The following ARHGAP25 variants were observed in gnomAD, a reference collection of about 807,000 sequenced individuals.
ARHGAP25 encodes Rho GTPase activating protein 25, also known as rho GTPase-activating protein 25.
In ARHGAP25, 34 loss-of-function variants were observed where a neutral mutation model predicts 71.0. The ratio of observed to expected loss-of-function variants is 0.48; its 90% CI spans 0.36 to 0.64. The LOEUF (loss-of-function observed/expected upper bound fraction) is 0.64, where lower values mean the gene tolerates loss of function less well. Ranked by LOEUF, ARHGAP25 falls within the 30% of genes least tolerant of loss-of-function variation. The pLI is 0.00. For synonymous variants in ARHGAP25, 282 were observed against 296.5 expected, an observed-to-expected ratio of 0.95 and a Z score of 0.50; for missense variants, 706 against 805.1, an observed-to-expected ratio of 0.88 and a Z score of 1.49.
chr2:68,825,909 G>A (rs1682092083), intron 10 of ARHGAP25, 78 bp from the exon 11 acceptor site: 2 of 1,242,172 alleles, frequency 1.6e-6, no homozygotes, highest in Non-Finnish European at 2.3e-6. Flanking sequence ...AAAATGAGCA[G>A]CAGGTTGTGA....
chr2:68,824,539 G>A (rs561048024), intron 10 of ARHGAP25, among the ~76,000 whole-genome samples: 5 of 152,276 alleles, frequency 3.3e-5, no homozygotes, highest in East Asian at 1.9e-4. Flanking sequence ...TCAGGAGATC[G>A]AGACCATCCT....
intron 2 of ARHGAP25, among the ~76,000 whole-genome samples, chr2:68,715,633 G>A (rs1474096006): frequency 6.6e-6 from 1 of 152,232 alleles, no homozygotes; most frequent in Non-Finnish European, 1.5e-5. Flanking sequence ...TGGACACACT[G>A]AGTGGAGGAG....
intron 9 of ARHGAP25, among the ~76,000 whole-genome samples, chr2:68,821,152 G>A (rs752288605): frequency 2.1e-5 from 3 of 145,130 alleles, no homozygotes; most frequent in East Asian, 2.0e-4. Flanking sequence ...GCTGGAGTGC[G>A]GTGGTGCGAT....
chr2:68,721,009 A>G (rs943693077), intron 2 of ARHGAP25, among the ~76,000 whole-genome samples: 3 of 152,178 alleles, frequency 2.0e-5, no homozygotes, highest in Non-Finnish European at 4.4e-5. Context: ...ACTGTGGCAT[A>G]ATATCCTCAT....
At chr2:68,754,670 G>A (rs4485593) in intron 1 of ARHGAP25, among the ~76,000 whole-genome samples, 127,369 of 152,218 alleles carry the variant, frequency 0.84, 54,098 homozygotes, top group Non-Finnish European at 0.91. Flanking sequence ...TTGTTTCCCA[G>A]AGGGGCTGTA....
At chr2:68,721,917 C>G (rs1422221458) in intron 2 of ARHGAP25, among the ~76,000 whole-genome samples, 1 of 152,218 alleles carries the variant, frequency 6.6e-6, no homozygotes, top group African/African-American at 2.4e-5. Flanking sequence ...TTCCTCTCAC[C>G]CAGTGTGTCC....
In ARHGAP25 at chr2:68,768,972, T is replaced by TTGAA. The variant is rs564202850; in HGVS notation, c.62-6230_62-6227dup. Among the ~76,000 whole-genome samples, 347 of 152,250 alleles carry TTGAA rather than the reference T, an allele frequency of 2.3e-3. 1 individual carries two copies. The highest frequency in any genetic ancestry group is 3.8e-3 in the Non-Finnish European group (261 of 68,008). ...TCTGGTGCATGTCAAGTCCTCAATC[T>TTGAA]TGAATGAATGAATGAATGAATGGGG... On this transcript the variant is annotated intron_variant, in intron 1 of 10. Coordinates refer to ENST00000409202, the MANE Select transcript of ARHGAP25 (RefSeq NM_001007231.3).
chr2:68,774,293 G>A (rs959175410), intron 1 of ARHGAP25, among the ~76,000 whole-genome samples: 2 of 152,272 alleles, frequency 1.3e-5, no homozygotes, highest in African/African-American at 4.8e-5. Flanking sequence ...TCGATGGAGC[G>A]CTGTGGAGGG....
chr2:68,806,833 A>G (rs539620800), intron 4 of ARHGAP25, among the ~76,000 whole-genome samples: 1 of 152,312 alleles, frequency 6.6e-6, no homozygotes, highest in Admixed American at 6.5e-5. Context: ...GCCGTGGTTA[A>G]GGCATATTGT....
chr2:68,760,340 G>A (rs1422997358), intron 1 of ARHGAP25, among the ~76,000 whole-genome samples: 2 of 151,842 alleles, frequency 1.3e-5, no homozygotes, highest in Non-Finnish European at 2.9e-5. Flanking sequence ...CTAGACAGAG[G>A]AACTAGGTGA....
chr2:68,805,857 A>C (rs1680323142), intron 4 of ARHGAP25, among the ~76,000 whole-genome samples: 1 of 152,202 alleles, frequency 6.6e-6, no homozygotes, highest in Non-Finnish European at 1.5e-5. Flanking sequence ...TGCTGGGTGC[A>C]GCAGAGCCCT....
chr2:68,779,064 A>G (rs555478964), intron 2 of ARHGAP25, among the ~76,000 whole-genome samples: 1 of 152,358 alleles, frequency 6.6e-6, no homozygotes, highest in African/African-American at 2.4e-5. Flanking sequence ...ATGGTCTCAG[A>G]CAATCCTAGT....
At chr2:68,733,327 G>A (rs1675075980), upstream of ARHGAP25, among the ~76,000 whole-genome samples, 1 of 152,208 alleles carries the variant, frequency 6.6e-6, no homozygotes, top group African/African-American at 2.4e-5. Flanking sequence ...TCCTTGATGA[G>A]AATATATTTT....
chr2:68,741,563 A>T (rs1005093364), intron 1 of ARHGAP25, among the ~76,000 whole-genome samples: 2 of 152,162 alleles, frequency 1.3e-5, no homozygotes, highest in African/African-American at 4.8e-5. Flanking sequence ...TCCATACTTT[A>T]AAAAATGTTA....
intron 4 of ARHGAP25, among the ~76,000 whole-genome samples, chr2:68,804,162 A>T (rs184388501): frequency 6.6e-6 from 1 of 152,340 alleles, no homozygotes; most frequent in Admixed American, 6.5e-5. Flanking sequence ...GACATATATT[A>T]AGGTGCAAGA....
At chr2:68,810,938 TG>T (rs1680763738) in intron 5 of ARHGAP25, among the ~76,000 whole-genome samples, 2 of 152,020 alleles carry the variant, frequency 1.3e-5, no homozygotes, top group Admixed American at 6.6e-5. Flanking sequence ...GATGGGGTTT[TG>T]TCCTGTTGGC....
intron 1 of ARHGAP25, among the ~76,000 whole-genome samples, chr2:68,759,480 A>C (rs56360964): frequency 0.24 from 37,104 of 151,800 alleles, 5,248 homozygotes; most frequent in African/African-American, 0.39. Flanking sequence ...GATAACCTAG[A>C]TTCAATGGAA....
intron 3 of ARHGAP25, among the ~76,000 whole-genome samples, chr2:68,783,663 A>G (rs1986759): frequency 2.0e-3 from 298 of 152,094 alleles, no homozygotes; most frequent in Middle Eastern, 3.4e-3. Context: ...AGGGTTTCAC[A>G]TGTTGGCCGG....
intron 1 of ARHGAP25, among the ~76,000 whole-genome samples, chr2:68,761,875 G>A (rs1048228150): frequency 6.6e-6 from 1 of 152,070 alleles, no homozygotes; most frequent in African/African-American, 2.4e-5. Flanking sequence ...CCACAATTCC[G>A]CATCTAAATA....
Sources: allele counts gnomAD v4.1 joint callset (sites outside exome capture counted in the v4.1 genomes callset), GRCh38; gene constraint gnomAD v4.1.1; transcripts MANE v1.5; gene names NCBI Gene and HGNC (gene_info 2026-07-23, HGNC 2026-07-21).